The following ARL15 variants were observed in gnomAD, a reference collection of about 807,000 sequenced individuals.
ARL15 encodes the protein ADP-ribosylation factor-like protein 15.
In ARL15, 19 loss-of-function variants were observed where a neutral mutation model predicts 25.2. The observed-to-expected ratio is 0.75, with a 90% CI of 0.53 to 1.10. ARL15 has a LOEUF of 1.10. Among genes scored for constraint, ARL15 ranks in the 50% least tolerant of loss-of-function variants. The pLI, the probability that ARL15 is intolerant of heterozygous loss-of-function variation, is 0.00. For missense variants in ARL15, 220 were observed against 246.0 expected (o/e 0.89, Z 0.71); for synonymous variants, 94 against 86.8 (o/e 1.08, Z -0.46).
chr5:54,194,359 C>G (rs1755494734), intron 1 of ARL15, among the ~76,000 whole-genome samples: 1 of 151,816 alleles, frequency 6.6e-6, no homozygotes, highest in African/African-American at 2.4e-5. Context: ...GGCTCCTCAC[C>G]TCTCCATCAT....
intron 4 of ARL15, among the ~76,000 whole-genome samples, chr5:54,107,387 C>T (rs1008997405): frequency 3.9e-5 from 6 of 152,048 alleles, no homozygotes; most frequent in African/African-American, 9.7e-5. Context: ...AAAAAGGAAT[C>T]CGATGCACAT....
At chr5:54,096,032 T>C (rs982354414) in intron 4 of ARL15, among the ~76,000 whole-genome samples, 12 of 152,186 alleles carry the variant, frequency 7.9e-5, no homozygotes, top group African/African-American at 2.9e-4. Flanking sequence ...TCTTGCATAA[T>C]TTATTACTTC....
At chr5:54,007,632 C>T (rs1233458043) in intron 4 of ARL15, among the ~76,000 whole-genome samples, 1 of 152,078 alleles carries the variant, frequency 6.6e-6, no homozygotes, top group African/African-American at 2.4e-5. Context: ...GGTGGTAAAA[C>T]CCCGTCTCTA....
intron 4 of ARL15, among the ~76,000 whole-genome samples, chr5:54,102,271 T>A (rs940432395): frequency 3.3e-5 from 5 of 152,066 alleles, no homozygotes; most frequent in African/African-American, 1.2e-4. Context: ...CTTGGCCTCC[T>A]AAACTGCTGG....
intron 4 of ARL15, among the ~76,000 whole-genome samples, chr5:54,008,686 T>C (rs1005573227): frequency 6.6e-6 from 1 of 152,244 alleles, no homozygotes; most frequent in African/African-American, 2.4e-5. Flanking sequence ...TACTCTGTCA[T>C]GTGAACAAGA....
chr5:53,910,648 T>TATATATATAC (rs1745428263), intron 4 of ARL15, among the ~76,000 whole-genome samples: 2 of 101,338 alleles, frequency 2.0e-5, no homozygotes, highest in African/African-American at 6.6e-5. Context: ...TATATATATA[T>TATATATATAC]ATATATATAT....
chr5:54,114,853 T>C (rs1752854084), intron 3 of ARL15, among the ~76,000 whole-genome samples: 1 of 152,194 alleles, frequency 6.6e-6, no homozygotes, highest in African/African-American at 2.4e-5. Flanking sequence ...TAACGACAAT[T>C]AGATTTCAAG....
At chr5:54,005,849 G>A (rs1483916210) in intron 4 of ARL15, among the ~76,000 whole-genome samples, 4 of 147,330 alleles carry the variant, frequency 2.7e-5, no homozygotes, top group Non-Finnish European at 3.0e-5. Flanking sequence ...GTGACAGAGC[G>A]AGACTCCATC....
intron 4 of ARL15, among the ~76,000 whole-genome samples, chr5:53,920,112 T>TA (rs895394961): frequency 1.1e-4 from 16 of 152,046 alleles, no homozygotes; most frequent in Admixed American, 2.6e-4. Flanking sequence ...AATAACTTTT[T>TA]AAAAAAAATG....
intron 1 of ARL15, among the ~76,000 whole-genome samples, chr5:54,246,201 T>C (rs1159602965): frequency 2.0e-5 from 3 of 152,076 alleles, no homozygotes; most frequent in East Asian, 3.9e-4. Flanking sequence ...CTCTGTCAAA[T>C]TAAAATATTT....
intron 1 of ARL15, among the ~76,000 whole-genome samples, chr5:54,252,030 A>C (rs1210632259): frequency 6.6e-6 from 1 of 152,240 alleles, no homozygotes; most frequent in East Asian, 1.9e-4. Context: ...AAATTCTCTG[A>C]ATTTTTCCTT....
intron 4 of ARL15, among the ~76,000 whole-genome samples, chr5:54,075,260 T>C (rs1017218355): frequency 1.3e-5 from 2 of 152,120 alleles, no homozygotes; most frequent in Non-Finnish European, 2.9e-5. Context: ...AGGAATCTGT[T>C]ATTGTCACTA....
At chr5:53,890,291 A>G (rs907238801) in intron 4 of ARL15, among the ~76,000 whole-genome samples, 1 of 152,154 alleles carries the variant, frequency 6.6e-6, no homozygotes, top group South Asian at 2.1e-4. Flanking sequence ...AACGTAAGTC[A>G]TATACTTAAC....
chr5:53,990,615 C>CTAT (rs1339472067), intron 4 of ARL15, among the ~76,000 whole-genome samples: 1 of 152,142 alleles, frequency 6.6e-6, no homozygotes, highest in Non-Finnish European at 1.5e-5. Context: ...AGATGCAATA[C>CTAT]AACCCTTCTA....
intron 1 of ARL15, among the ~76,000 whole-genome samples, chr5:54,178,267 T>C (rs1259289157): frequency 6.6e-6 from 1 of 152,254 alleles, no homozygotes; most frequent in Admixed American, 6.5e-5. Flanking sequence ...GCTCTGTTTT[T>C]CATCATGAAT....
intron 1 of ARL15, among the ~76,000 whole-genome samples, chr5:54,285,155 G>T (rs1453840294): frequency 1.3e-5 from 2 of 152,002 alleles, no homozygotes; most frequent in Non-Finnish European, 2.9e-5. Flanking sequence ...ACTTCCCTGA[G>T]GAAGAACTAA....
intron 1 of ARL15, among the ~76,000 whole-genome samples, chr5:54,295,712 C>T (rs993762658): frequency 6.6e-6 from 1 of 152,094 alleles, no homozygotes. Context: ...TACTTTAGCC[C>T]AGTGACTTGA....
chr5:53,961,865 C>T (rs1747383520), intron 4 of ARL15, among the ~76,000 whole-genome samples: 1 of 152,166 alleles, frequency 6.6e-6, no homozygotes, highest in Non-Finnish European at 1.5e-5. Flanking sequence ...ACTTCTATAG[C>T]TTGCCTTTTT....
intron 1 of ARL15, among the ~76,000 whole-genome samples, chr5:54,258,186 T>G (rs1051116658): frequency 1.2e-4 from 17 of 136,138 alleles, no homozygotes; most frequent in African/African-American, 5.4e-4. Flanking sequence ...AAAAAAAAAT[T>G]TATGAGTGAG....
Sources: gnomAD v4.1 joint callset for allele counts (sites outside exome capture counted in the v4.1 genomes callset) on GRCh38, gnomAD v4.1.1 for gene constraint, MANE v1.5 for transcripts, NCBI Gene and HGNC (gene_info 2026-07-23, HGNC 2026-07-21) for gene names.